CDH12: variants seen among roughly 807,000 people sequenced by gnomAD.
The protein encoded by CDH12 is cadherin-12.
CDH12 carries 41 observed loss-of-function variants against 74.1 expected under a neutral mutation model. The ratio of observed to expected loss-of-function variants is 0.55; its 90% confidence interval spans 0.43 to 0.72. The LOEUF (loss-of-function observed/expected upper bound fraction) is 0.72, where lower values mean the gene tolerates loss of function less well. Ranked by LOEUF, CDH12 falls within the 30% of genes least tolerant of loss-of-function variation. CDH12 has a pLI of 0.00. For synonymous variants in CDH12, 399 were observed against 355.0 expected, an observed-to-expected ratio of 1.12 and a Z score of -1.39; for missense variants, 945 against 977.2, an observed-to-expected ratio of 0.97 and a Z score of 0.44.
chr5:21,854,617 A>C, intron 7 of CDH12, 54 bp downstream of exon 7: 1 of 1,465,242 alleles, frequency 6.8e-7, no homozygotes, highest in Non-Finnish European at 9.4e-7. Context: ...GATTTAATTA[A>C]AGTTTAAATA....
chr5:22,436,793 T>C (rs186562762), intron 2 of CDH12, among the ~76,000 whole-genome samples: 4 of 152,294 alleles, frequency 2.6e-5, no homozygotes, highest in Admixed American at 2.6e-4. Flanking sequence ...AATTGAAATA[T>C]GTACTTACAT....
chr5:22,019,149 CT>C (rs932273162), intron 5 of CDH12, among the ~76,000 whole-genome samples: 2 of 152,106 alleles, frequency 1.3e-5, no homozygotes, highest in African/African-American at 2.4e-5. Context: ...CTTTCCCTCC[CT>C]TTCTCTCTCC....
chr5:22,350,499 A>G (rs138240763), intron 3 of CDH12, among the ~76,000 whole-genome samples: 1 of 152,324 alleles, frequency 6.6e-6, no homozygotes, highest in African/African-American at 2.4e-5. Context: ...ATTACTTTGG[A>G]TACAATGAGA....
intron 1 of CDH12, among the ~76,000 whole-genome samples, chr5:22,577,989 T>C (rs1329209923): frequency 6.6e-6 from 1 of 152,170 alleles, no homozygotes; most frequent in Non-Finnish European, 1.5e-5. Flanking sequence ...AGAGACATAA[T>C]TCTAAAAACA....
At chr5:22,125,490 T>A (rs1385554178) in intron 4 of CDH12, among the ~76,000 whole-genome samples, 1 of 152,234 alleles carries the variant, frequency 6.6e-6, no homozygotes, top group Non-Finnish European at 1.5e-5. Flanking sequence ...TGTGCCACAT[T>A]TTCTTTATCC....
At chr5:22,338,706 C>T (rs899921453) in intron 3 of CDH12, among the ~76,000 whole-genome samples, 12 of 152,098 alleles carry the variant, frequency 7.9e-5, no homozygotes, top group African/African-American at 2.9e-4. Context: ...ACTATGTACC[C>T]ACAAAATTTT....
At chr5:22,388,258 T>C (rs1561365653) in intron 3 of CDH12, among the ~76,000 whole-genome samples, 1 of 152,186 alleles carries the variant, frequency 6.6e-6, no homozygotes, top group East Asian at 1.9e-4. Context: ...AGTATTAGAA[T>C]AGACACAATA....
chr5:22,566,396 C>T (rs1739285252), intron 1 of CDH12, among the ~76,000 whole-genome samples: 1 of 152,058 alleles, frequency 6.6e-6, no homozygotes, highest in South Asian at 2.1e-4. Flanking sequence ...CACCACCAAG[C>T]TCAGCTAAAC....
rs565910196 is a variant in CDH12, at chr5:22,392,444, A to G, written c.-333+12813T>C. On this transcript the variant is annotated intron_variant, in intron 3 of 14. Transcript: ENST00000382254. Reference sequence around the variant, plus strand: ...TTGTGACTTTGGGCAAAACACAAATACTCACCCTGCCTCAACGTATTCATC... The same window carrying G: ...TTGTGACTTTGGGCAAAACACAAATGCTCACCCTGCCTCAACGTATTCATC... Among the ~76,000 whole-genome samples the G allele has an allele frequency of 2.6e-5, 4 of 152,230 alleles. No individual in the cohort carries two copies. The South Asian group carries it at 8.3e-4, about 32-fold the overall frequency.
At chr5:22,226,740 G>A (rs1752206639) in intron 3 of CDH12, among the ~76,000 whole-genome samples, 1 of 152,098 alleles carries the variant, frequency 6.6e-6, no homozygotes, top group Non-Finnish European at 1.5e-5. Context: ...AGTTTCTCCA[G>A]CATGCAGAAC....
intron 1 of CDH12, among the ~76,000 whole-genome samples, chr5:22,829,582 G>A (rs189355764): frequency 6.6e-6 from 1 of 152,256 alleles, no homozygotes; most frequent in East Asian, 1.9e-4. Flanking sequence ...TTGGCTATGT[G>A]TCTTGTTTGC....
chr5:21,875,678 GGACACAAACTTCAC>G (rs1751897349), intron 6 of CDH12, among the ~76,000 whole-genome samples: 1 of 16,878 alleles, frequency 5.9e-5, no homozygotes, highest in African/African-American at 2.3e-4. Flanking sequence ...CGGAAGTACT[GGACACAAACTTCAC>G]TCATTGTCAT....
intron 5 of CDH12, among the ~76,000 whole-genome samples, chr5:22,062,204 C>A (rs893348014): frequency 6.6e-6 from 1 of 152,028 alleles, no homozygotes; most frequent in African/African-American, 2.4e-5. Flanking sequence ...CACATTGAAC[C>A]TTTATGGCAC....
At chr5:22,132,870 G>A (rs1746252417) in intron 4 of CDH12, among the ~76,000 whole-genome samples, 1 of 152,056 alleles carries the variant, frequency 6.6e-6, no homozygotes, top group African/African-American at 2.4e-5. Flanking sequence ...CAAATTCCAA[G>A]GAGCCACTGC....
At chr5:22,472,608 C>A (rs1746008105) in intron 2 of CDH12, among the ~76,000 whole-genome samples, 1 of 152,064 alleles carries the variant, frequency 6.6e-6, no homozygotes, top group African/African-American at 2.4e-5. Flanking sequence ...GCATCTCTGG[C>A]TTCTATGTTT....
intron 3 of CDH12, among the ~76,000 whole-genome samples, chr5:22,370,892 CA>C (rs1741260418): frequency 1.3e-5 from 2 of 152,116 alleles, no homozygotes; most frequent in South Asian, 4.1e-4. Flanking sequence ...GTAGATGCAA[CA>C]ATTAACAAGC....
intron 2 of CDH12, among the ~76,000 whole-genome samples, chr5:22,484,282 A>C: frequency 6.6e-6 from 1 of 152,162 alleles, no homozygotes; most frequent in East Asian, 1.9e-4. Context: ...CTTGCTTGAA[A>C]GTGAGGGATT....
At chr5:21,825,984 C>T (rs1046483385) in intron 8 of CDH12, among the ~76,000 whole-genome samples, 3 of 152,112 alleles carry the variant, frequency 2.0e-5, no homozygotes, top group Non-Finnish European at 2.9e-5. Flanking sequence ...CAAAGAGATT[C>T]TGTTTAGTTG....
At chr5:22,036,551 TGTGA>T (rs1273228752) in intron 5 of CDH12, among the ~76,000 whole-genome samples, 1 of 152,118 alleles carries the variant, frequency 6.6e-6, no homozygotes, top group Non-Finnish European at 1.5e-5. Flanking sequence ...TGCGTGTGTG[TGTGA>T]GTGTGTGTGT....
Sources: allele counts gnomAD v4.1 joint callset (sites outside exome capture counted in the v4.1 genomes callset), GRCh38; gene constraint gnomAD v4.1.1; transcripts MANE v1.5; gene names NCBI Gene and HGNC (gene_info 2026-07-23, HGNC 2026-07-21).